The following ARHGEF40 variants were observed in gnomAD, a reference collection of about 807,000 sequenced individuals.
The protein encoded by ARHGEF40 is Rho guanine nucleotide exchange factor 40.
A neutral mutation model predicts 165.9 loss-of-function variants in ARHGEF40; 98 were observed. The ratio of observed to expected loss-of-function variants is 0.59; its 90% confidence interval spans 0.50 to 0.70. The LOEUF is 0.70. ARHGEF40 is among the 30% of genes least tolerant of loss of function. ARHGEF40 has a pLI of 0.00. For missense variants in ARHGEF40, 1,815 were observed against 1,968.0 expected, an observed-to-expected ratio of 0.92 and a Z score of 1.47; for synonymous variants, 792 against 814.3, an observed-to-expected ratio of 0.97 and a Z score of 0.47.
At position 21,078,221 on chromosome 14, in the gene ARHGEF40, G is replaced by A. The variant is rs148832965; in HGVS notation, c.2079G>A (p.Ser693=). The change falls in exon 9 of 24, where the codon TCG becomes TCA. Residue 693 remains serine, a synonymous_variant. Transcript: ENST00000298694. ...LCRLCQGVLG[S]VRQAIEELEG... ...GCCTGTGCCAAGGTGTGCTGGGCTC[G>A]GTACGGCAGGCCATTGAGGAGCTGG... is the stretch of plus-strand genomic sequence containing the variant. 128 of 1,613,960 alleles carry A rather than the reference G, an allele frequency of 7.9e-5. No individual in the cohort carries two copies. The highest frequency in any genetic ancestry group is 1.9e-4 in the African/African-American group (14 of 74,928).
chr14:21,088,553 G>A (rs927055608), intron 22 of ARHGEF40, among the ~76,000 whole-genome samples: 2 of 151,942 alleles, frequency 1.3e-5, no homozygotes, highest in East Asian at 1.9e-4. Context: ...CTTTTGAGGG[G>A]TGCGCACCTA....
Position 21,072,976 on chromosome 14 carries a change from C to G in ARHGEF40, c.4-69C>G. ...TTGGAGAACACAGCCAACCCCAGAC[C>G]AGTGCAGCTCCCAAGGAGCCATGAT... On this transcript the variant is annotated intron_variant, in intron 1 of 23. Transcript: ENST00000298694. The surrounding 1 kb of genome is among the most constrained non-coding windows in gnomAD (Gnocchi z 4.1). 6.7e-7 allele frequency: 1 copy of G among 1,497,118 alleles called. No homozygotes were observed. The highest frequency in any genetic ancestry group is 1.2e-5 in the South Asian group (1 of 83,068). The allele number at this position is 1,497,118 out of a possible 1,614,324, so 92.7% of individuals were successfully genotyped here. A position where few individuals can be genotyped will look rare whatever the true frequency, so the allele number is the denominator to read the frequency against.
Position 21,075,451 on chromosome 14 carries a change from C to T in ARHGEF40, c.1570C>T (p.Pro524Ser), listed in dbSNP as rs138026309. The T allele has an allele frequency of 6.2e-7, 1 of 1,614,198 alleles. No individual in the cohort carries two copies. Among genetic ancestry groups the T allele is most frequent in the South Asian group, 1.1e-5 (1 of 91,088 alleles). ...CCTTGCAGTCTCCGTCTCTGATCACCCTGATGTAGCTTGGGACTTGATGGC... is the reference window on the plus strand; with the variant it reads ...CCTTGCAGTCTCCGTCTCTGATCACTCTGATGTAGCTTGGGACTTGATGGC... ...EALAVSVSDH[P>S]DVAWDLMASG... is the part of the protein sequence containing the mutation. The change falls in exon 4 of 24, where the codon CCT (proline) becomes TCT (serine). Residue 524 changes from proline to serine, a missense_variant. Physicochemically the swap from Pro to Ser is moderately conservative, Grantham distance 74. Coordinates refer to ENST00000298694, the MANE Select transcript of ARHGEF40 (RefSeq NM_018071.5). This position sits in a 1 kb window ranked among gnomAD's most constrained non-coding sequence, Gnocchi z 4.5.
rs775455674 is a variant in ARHGEF40, at chr14:21,074,378, A to G, written c.648A>G (p.Pro216=). 5 of 1,613,812 alleles carry G rather than the reference A, an allele frequency of 3.1e-6. No homozygotes were observed. Among genetic ancestry groups the G allele is most frequent in the Admixed American group, 1.7e-5 (1 of 59,998 alleles). ...GACCTCCAGGGCTTCCCAGCCCTCC[A>G]CTTCCTGAGGAGGCGCTGGGTACCC... ...PSGPPGLPSP[P]LPEEALGTRS... Residue 216 remains proline, a synonymous_variant, in exon 3 of 24, where the codon CCA becomes CCG. Transcript: ENST00000298694. This position sits in a 1 kb window ranked among gnomAD's most constrained non-coding sequence, Gnocchi z 4.8.
intron 18 of ARHGEF40, 29 bp downstream of exon 18, chr14:21,084,952 T>C (rs1267922282): frequency 9.4e-6 from 15 of 1,601,412 alleles, no homozygotes; most frequent in Non-Finnish European, 1.3e-5. Flanking sequence ...GTGGTGGAGG[T>C]GACAGGAAGT....
At position 21,076,832 on chromosome 14, in the gene ARHGEF40, A is replaced by T. The variant is rs146440994; in HGVS notation, c.1976A>T (p.Gln659Leu). 1 of 1,613,906 alleles carries T rather than the reference A, an allele frequency of 6.2e-7. No homozygotes were observed. Among genetic ancestry groups the T allele is most frequent in the South Asian group, 1.1e-5 (1 of 91,082 alleles). Residue 659 changes from glutamine to leucine, a missense_variant, in exon 8 of 24, where the codon CAG becomes CTG. Gln to Leu is a moderately radical substitution (Grantham distance 113). Coordinates refer to ENST00000298694, the MANE Select transcript of ARHGEF40 (RefSeq NM_018071.5). ...AGAGTGGCCAAGCCAGAGGAGCTGC[A>T]GTGGGAGTTAGGAGGTCACAGGGAC... ...LKRVAKPEEL[Q>L]WELGGHRDPS...
rs144677985 is a variant in ARHGEF40 at position 21,076,364 on chromosome 14, G to C, written c.1744G>C (p.Asp582His). 415 of 1,613,158 alleles carry C rather than the reference G, an allele frequency of 2.6e-4. No individual in the cohort carries two copies. Among genetic ancestry groups the C allele is most frequent in the Non-Finnish European group, 3.4e-4 (402 of 1,180,016 alleles). The change falls in exon 6 of 24, where the codon GAT becomes CAT. Residue 582 changes from aspartate (D) to histidine (H), a missense_variant. By Grantham distance (81) the Asp-to-His change is moderately conservative. Coordinates refer to ENST00000298694, the MANE Select transcript of ARHGEF40 (RefSeq NM_018071.5). ...TGGCTCTTCCTGCTCCCGCAGGCCT[G>C]ATCTACAGACACTGGGGCTGTCCGT... ...LHYLHSLLRP[D>H]LQTLGLSVLL...
chr14:21,068,393 AC>A (rs1886402141), upstream of ARHGEF40, among the ~76,000 whole-genome samples: 1 of 151,864 alleles, frequency 6.6e-6, no homozygotes, highest in Non-Finnish European at 1.5e-5. Flanking sequence ...ATATTCCACT[AC>A]CTAAGAGTAG....
At chr14:21,083,700 G>C (rs2274679) in intron 16 of ARHGEF40, 135 bp from the exon 17 acceptor site, 33,032 of 723,422 alleles carry the variant, frequency 0.046, 966 homozygotes, top group African/African-American at 0.1. Flanking sequence ...GAATGGTTTT[G>C]CCTTACTTTA....
In ARHGEF40 at chr14:21,074,916, G is replaced by C; in HGVS notation, c.1186G>C (p.Asp396His). Residue 396 changes from aspartate (D) to histidine (H), a missense_variant, in exon 3 of 24, where the codon GAC (aspartate) becomes CAC (histidine). Transcript: ENST00000298694. This position sits in a 1 kb window ranked among gnomAD's most constrained non-coding sequence, Gnocchi z 4.8. The stretch of plus-strand genomic sequence containing the variant: ...TCGAGGGGCTCTTAGCCGAGGAGGG[G>C]ACAGTGCCCCACTGAGCCCTGGGGA... ...AGRGALSRGG[D>H]SAPLSPGDKE... 6.2e-7 allele frequency: 1 copy of C among 1,608,626 alleles called. No homozygotes were observed. Among genetic ancestry groups the C allele is most frequent in the Non-Finnish European group, 8.5e-7 (1 of 1,177,894 alleles).
rs1171696090 is a variant in ARHGEF40, at chr14:21,072,662, C to T, written c.4-383C>T. Among the ~76,000 whole-genome samples, 3 of 152,130 alleles carry T rather than the reference C, an allele frequency of 2.0e-5. No homozygotes were observed. The highest frequency in any genetic ancestry group is 4.4e-5 in the Non-Finnish European group (3 of 68,020). The stretch of plus-strand genomic sequence containing the variant: ...TGGCTGTGTGGAAATCTCCCTCATC[C>T]CCTCGAGTTCTCAGCCATAAGCTCA... On this transcript the variant is annotated intron_variant, in intron 1 of 23. Transcript: ENST00000298694. The surrounding 1 kb of genome is among the most constrained non-coding windows in gnomAD (Gnocchi z 4.1).
chr14:21,077,514 G>A (rs11621987), intron 8 of ARHGEF40, among the ~76,000 whole-genome samples: 6,590 of 152,148 alleles, frequency 0.043, 190 homozygotes, highest in Middle Eastern at 0.099. Context: ...GTGTCATTGG[G>A]TTTCTGGAAA....
chr14:21,064,553 C>G, the ARHGEF40 span, among the ~76,000 whole-genome samples: 1 of 152,306 alleles, frequency 6.6e-6, no homozygotes. Flanking sequence ...CCGCCCACCT[C>G]GGCCTCCCAA....
rs761224473 is a variant in ARHGEF40 at position 21,080,955 on chromosome 14, G to A, written c.2579G>A (p.Arg860Gln). The change falls in exon 13 of 24, where the codon CGG becomes CAG. Residue 860 changes from arginine (R) to glutamine (Q), a missense_variant. Arg to Gln is a conservative substitution (Grantham distance 43). Coordinates refer to ENST00000298694, the MANE Select transcript of ARHGEF40 (RefSeq NM_018071.5). ...SQKVLDIFEQRLEQVESGLHR... is the reference protein window; with the variant it reads ...SQKVLDIFEQQLEQVESGLHR... ...AAGGTGCTGGATATCTTTGAACAGC[G>A]GCTGGAGCAGGTTGAGAGTGGCCTC... The A allele has an allele frequency of 1.1e-5, 18 of 1,614,078 alleles. No individual in the cohort carries two copies. The East Asian group carries it at 1.8e-4, about 16-fold the overall frequency.
chr14:21,082,644 C>T (rs1888015258), intron 15 of ARHGEF40, among the ~76,000 whole-genome samples, 166 bp downstream of exon 15: 1 of 152,352 alleles, frequency 6.6e-6, no homozygotes, highest in African/African-American at 2.4e-5. Flanking sequence ...TCAGCCTCTG[C>T]GCCCTGCTCT....
intron 19 of ARHGEF40, chr14:21,086,794 A>G (rs1015797636): frequency 1.3e-5 from 7 of 544,674 alleles, no homozygotes; most frequent in Admixed American, 3.1e-5. Flanking sequence ...GAAGAGCCAG[A>G]TATCTGAGGA....
rs1888490014 is a variant in ARHGEF40, at chr14:21,087,954, A to C, written c.4388-14A>C. On this transcript the variant is annotated splice_polypyrimidine_tract_variant and intron_variant, in intron 21 of 23. Coordinates refer to ENST00000298694, the MANE Select transcript of ARHGEF40 (RefSeq NM_018071.5). ...GGATTCTGTACTCTGCTCTCACCCT[A>C]GCTTCCCCTTCAGCCCCAGAAACAC... is the stretch of plus-strand genomic sequence containing the variant. 1.2e-6 allele frequency: 2 copies of C among 1,613,550 alleles called. No homozygotes were observed. The highest frequency in any genetic ancestry group is 1.7e-5 in the Admixed American group (1 of 60,006).
At chr14:21,079,091 A>G in intron 11 of ARHGEF40, 81 bp downstream of exon 11, 1 of 1,519,788 alleles carries the variant, frequency 6.6e-7, no homozygotes, top group African/African-American at 1.4e-5. Context: ...CTTATAGTTG[A>G]TGGTGTTCTT....
In ARHGEF40 at chr14:21,075,563, G is replaced by A. The variant is rs1887341362; in HGVS notation, c.1618+64G>A. On this transcript the variant is annotated intron_variant, in intron 4 of 23. Coordinates refer to ENST00000298694, the MANE Select transcript of ARHGEF40 (RefSeq NM_018071.5). This position sits in a 1 kb window ranked among gnomAD's most constrained non-coding sequence, Gnocchi z 4.5. ...GAAAGAGAAGCAATTGGGTGGGCTT[G>A]GGGACTGGGGGAGGCAGGGTGGAAA... 2 of 1,613,782 alleles carry A rather than the reference G, an allele frequency of 1.2e-6. No homozygotes were observed. The highest frequency in any genetic ancestry group is 1.1e-5 in the South Asian group (1 of 91,070).
Sources: gnomAD v4.1 joint callset for allele counts (sites outside exome capture counted in the v4.1 genomes callset) on GRCh38, gnomAD v4.1.1 for gene constraint, Gnocchi (gnomAD v3.1) non-coding constraint, MANE v1.5 for transcripts, NCBI Gene and HGNC (gene_info 2026-07-23, HGNC 2026-07-21) for gene names.